Variants in VPS41 observed in about 807,000 individuals in gnomAD.
VPS41 encodes the protein vacuolar protein sorting-associated protein 41 homolog.
In VPS41, 85 loss-of-function variants were observed where a neutral mutation model predicts 130.9. The ratio of observed to expected loss-of-function variants is 0.65; its 90% CI spans 0.55 to 0.78. VPS41 has a LOEUF of 0.78. VPS41 is among the 30% of genes least tolerant of loss of function. The pLI is 0.00. For synonymous variants in VPS41, 335 were observed against 332.9 expected (o/e 1.01, Z -0.07); for missense variants, 874 against 1,018.7 (o/e 0.86, Z 1.93).
chr7:38,768,924 T>C (rs2115824989), intron 14 of VPS41, among the ~76,000 whole-genome samples: 1 of 152,310 alleles, frequency 6.6e-6, no homozygotes, highest in Middle Eastern at 3.4e-3. Flanking sequence ...CAGGATGCCA[T>C]AGCCCCAGCT....
intron 7 of VPS41, among the ~76,000 whole-genome samples, chr7:38,798,989 A>C (rs920528229): frequency 6.6e-6 from 1 of 152,076 alleles, no homozygotes; most frequent in Non-Finnish European, 1.5e-5. Context: ...GAATGCCACA[A>C]CACCCCCTAC....
At position 38,765,569 on chromosome 7, in the gene VPS41, G is replaced by C. The variant is rs753510864; in HGVS notation, c.1329+11C>G. 3.2e-6 allele frequency: 5 copies of C among 1,546,848 alleles called. No individual in the cohort carries two copies. Among genetic ancestry groups the C allele is most frequent in the Non-Finnish European group, 4.4e-6 (5 of 1,136,408 alleles). On this transcript the variant is annotated intron_variant, in intron 16 of 28. Coordinates refer to ENST00000310301, the MANE Select transcript of VPS41 (RefSeq NM_014396.4). ...GCAGAAACTGAGAGTTAAAAATAAGGCTTTGCTTACCTTAAGCTGTCCAAT... is the reference window on the plus strand; with the variant it reads ...GCAGAAACTGAGAGTTAAAAATAAGCCTTTGCTTACCTTAAGCTGTCCAAT...
At chr7:38,802,491 T>C (rs1433644396) in intron 7 of VPS41, among the ~76,000 whole-genome samples, 1 of 152,212 alleles carries the variant, frequency 6.6e-6, no homozygotes, top group South Asian at 2.1e-4. Flanking sequence ...ATGCAGGATT[T>C]GCTTTGATTT....
intron 15 of VPS41, among the ~76,000 whole-genome samples, chr7:38,767,265 T>C (rs1472725175): frequency 6.6e-6 from 1 of 152,138 alleles, no homozygotes; most frequent in Non-Finnish European, 1.5e-5. Flanking sequence ...AGATCCTTCA[T>C]GGTTCTTGAT....
intron 2 of VPS41, among the ~76,000 whole-genome samples, chr7:38,896,139 TG>T (rs1786986471): frequency 6.6e-6 from 1 of 152,228 alleles, no homozygotes; most frequent in Non-Finnish European, 1.5e-5. Context: ...GGAGCATGTG[TG>T]GAAAGATTTA....
chr7:38,848,904 G>C (rs1186042865), intron 4 of VPS41, among the ~76,000 whole-genome samples: 3 of 152,120 alleles, frequency 2.0e-5, no homozygotes, highest in Non-Finnish European at 4.4e-5. Context: ...TGGGGTCAAG[G>C]GCTGGACAGG....
chr7:38,895,021 A>G (rs561849461), intron 2 of VPS41, among the ~76,000 whole-genome samples: 132 of 152,272 alleles, frequency 8.7e-4, no homozygotes, highest in African/African-American at 3.0e-3. Context: ...TAAATATCTG[A>G]TTTAAGGTAC....
intron 10 of VPS41, among the ~76,000 whole-genome samples, chr7:38,781,758 T>G (rs1415209029): frequency 1.3e-5 from 2 of 152,236 alleles, no homozygotes; most frequent in Non-Finnish European, 2.9e-5. Flanking sequence ...TCTTCAATTC[T>G]GAAATGAGCT....
chr7:38,795,707 C>A, intron 8 of VPS41, 96 bp from the exon 9 acceptor site: 3 of 1,130,772 alleles, frequency 2.7e-6, no homozygotes, highest in Non-Finnish European at 2.5e-6. Flanking sequence ...ATAACCAGCA[C>A]GGAGAAATAT....
chr7:38,868,331 G>C (rs1277659653), intron 3 of VPS41, among the ~76,000 whole-genome samples: 1 of 152,236 alleles, frequency 6.6e-6, no homozygotes, highest in East Asian at 1.9e-4. Context: ...CTAATAAAGT[G>C]TTGGGGGTAC....
chr7:38,783,541 AAAAG>A lies in VPS41; in HGVS notation c.784+6256_784+6259del, dbSNP rs534379778. On this transcript the variant is annotated intron_variant, in intron 10 of 28. Coordinates refer to ENST00000310301, the MANE Select transcript of VPS41 (RefSeq NM_014396.4). ...AGAGCGAAACTCTGTCTCAAAAAAAAAAAGAGATAATTAAAATACCACATGCTAT... is the reference window on the plus strand; with the variant it reads ...AGAGCGAAACTCTGTCTCAAAAAAAAAGATAATTAAAATACCACATGCTAT... 2.5e-4 allele frequency among the ~76,000 whole-genome samples: 38 copies of A among 152,340 alleles called. 1 individual carries two copies. The highest frequency in any genetic ancestry group is 1.7e-3 in the South Asian group (8 of 4,834).
chr7:38,781,386 G>A (rs139984532), intron 10 of VPS41, among the ~76,000 whole-genome samples: 3 of 152,066 alleles, frequency 2.0e-5, no homozygotes, highest in South Asian at 2.1e-4. Flanking sequence ...CAAGTTTTTC[G>A]CTTTAAAGTC....
At chr7:38,811,604 C>CAT (rs1456091404) in intron 7 of VPS41, among the ~76,000 whole-genome samples, 1 of 150,540 alleles carries the variant, frequency 6.6e-6, no homozygotes, top group African/African-American at 2.5e-5. Flanking sequence ...CATACACACA[C>CAT]ACACACACAC....
At chr7:38,812,255 T>C (rs779857638) in intron 7 of VPS41, among the ~76,000 whole-genome samples, 14 of 152,218 alleles carry the variant, frequency 9.2e-5, no homozygotes, top group Middle Eastern at 3.4e-3. Context: ...CTAACATTTA[T>C]GGTTAACCAA....
intron 2 of VPS41, among the ~76,000 whole-genome samples, chr7:38,882,515 C>T (rs1584443838): frequency 6.6e-6 from 1 of 152,280 alleles, no homozygotes; most frequent in East Asian, 1.9e-4. Context: ...TACCTCCAGT[C>T]CAGACTTGAA....
chr7:38,767,489 C>T, intron 15 of VPS41, 48 bp downstream of exon 15: 5 of 1,372,272 alleles, frequency 3.6e-6, no homozygotes, highest in Non-Finnish European at 5.1e-6. Flanking sequence ...GTTAGCAATG[C>T]TCAATTCTAT....
At chr7:38,785,012 A>C (rs1344050579) in intron 10 of VPS41, among the ~76,000 whole-genome samples, 2 of 152,244 alleles carry the variant, frequency 1.3e-5, no homozygotes, top group Admixed American at 6.5e-5. Context: ...CAAGCAATTT[A>C]CAAATAAGAA....
intron 4 of VPS41, among the ~76,000 whole-genome samples, chr7:38,855,089 G>T (rs1277309614): frequency 1.2e-4 from 18 of 151,580 alleles, no homozygotes; most frequent in African/African-American, 3.4e-4. Flanking sequence ...CATGCCTGTA[G>T]TCCCAGCTAC....
chr7:38,841,170 C>A (rs942009840), intron 4 of VPS41, among the ~76,000 whole-genome samples: 1 of 152,172 alleles, frequency 6.6e-6, no homozygotes, highest in Non-Finnish European at 1.5e-5. Flanking sequence ...TTTTGGGTTA[C>A]AAATACCATT....
Sources: allele counts gnomAD v4.1 joint callset (sites outside exome capture counted in the v4.1 genomes callset), GRCh38; gene constraint gnomAD v4.1.1; transcripts MANE v1.5; gene names NCBI Gene and HGNC (gene_info 2026-07-23, HGNC 2026-07-21).